The following RNF17 variants were observed in gnomAD, a reference collection of about 807,000 sequenced individuals.
RNF17 encodes the protein ring finger protein 17.
Under a neutral mutation model 200.5 loss-of-function variants are expected in RNF17, and 31 were observed. That is an observed-to-expected ratio of 0.15 (90% CI 0.12 to 0.21). The LOEUF (loss-of-function observed/expected upper bound fraction) is 0.21, where lower values mean the gene tolerates loss of function less well. Ranked by LOEUF, RNF17 falls within the 10% of genes least tolerant of loss-of-function variation. The pLI is 1.00. For synonymous variants in RNF17, 606 were observed against 637.8 expected, an observed-to-expected ratio of 0.95 and a Z score of 0.75; for missense variants, 1,628 against 1,905.1, an observed-to-expected ratio of 0.85 and a Z score of 2.71.
At chr13:24,835,591 TC>T (rs145876688) in intron 18 of RNF17, among the ~76,000 whole-genome samples, 3,869 of 152,110 alleles carry the variant, frequency 0.025, 75 homozygotes, top group Non-Finnish European at 0.04. Flanking sequence ...GTAGTTCAGC[TC>T]ACAGGAAGCC....
At chr13:24,759,869 G>A (rs565412843), upstream of RNF17, among the ~76,000 whole-genome samples, 68 of 152,262 alleles carry the variant, frequency 4.5e-4, no homozygotes, top group Non-Finnish European at 8.4e-4. Context: ...AGCCAGGCAC[G>A]GTGGCTCACG....
intron 6 of RNF17, 79 bp from the exon 7 acceptor site, chr13:24,787,909 T>G (rs1167689245): frequency 5.4e-6 from 6 of 1,117,474 alleles, no homozygotes; most frequent in Non-Finnish European, 7.4e-6. Flanking sequence ...CTGAACTTAC[T>G]CTTCAAGATA....
chr13:24,794,046 G>C, intron 10 of RNF17: 1 of 363,086 alleles, frequency 2.8e-6, no homozygotes. Flanking sequence ...TGATACAAGG[G>C]ATGTTGCCAT....
intron 15 of RNF17, among the ~76,000 whole-genome samples, chr13:24,821,641 A>G (rs1718758602): frequency 6.6e-6 from 1 of 151,604 alleles, no homozygotes. Context: ...CCTCTATTGA[A>G]TTTTTTCTCC....
At chr13:24,787,500 T>G (rs1478828568) in intron 6 of RNF17, among the ~76,000 whole-genome samples, 1 of 152,194 alleles carries the variant, frequency 6.6e-6, no homozygotes, top group East Asian at 1.9e-4. Context: ...TGGTTGTGTG[T>G]GCCCTGAGCC....
At chr13:24,884,046 A>C, downstream of RNF17, 2 of 1,614,036 alleles carry the variant, frequency 1.2e-6, no homozygotes, top group Non-Finnish European at 1.7e-6. Context: ...TCTGGTCAGG[A>C]AACGTGATTT....
chr13:24,847,579 C>T (rs1022297432), intron 22 of RNF17, among the ~76,000 whole-genome samples: 1 of 152,176 alleles, frequency 6.6e-6, no homozygotes, highest in African/African-American at 2.4e-5. Flanking sequence ...TTCCTGACCT[C>T]AAGTGATGTG....
At chr13:24,780,264 T>G (rs1196898576) in intron 5 of RNF17, among the ~76,000 whole-genome samples, 8 of 152,082 alleles carry the variant, frequency 5.3e-5, no homozygotes, top group African/African-American at 1.9e-4. Flanking sequence ...AAGTCATTTC[T>G]CAAGAGGAAT....
downstream of RNF17, among the ~76,000 whole-genome samples, chr13:24,884,805 A>AT (rs1953964957): frequency 6.6e-6 from 1 of 152,190 alleles, no homozygotes; most frequent in Non-Finnish European, 1.5e-5. Context: ...TATAATTTCA[A>AT]TAGAAATGGA....
chr13:24,797,552 T>C (rs2137693727), intron 11 of RNF17, among the ~76,000 whole-genome samples: 1 of 152,260 alleles, frequency 6.6e-6, no homozygotes, highest in East Asian at 1.9e-4. Context: ...CAAATGTCTG[T>C]GTTGAGTTTG....
chr13:24,817,716 CAA>C (rs34461016), intron 15 of RNF17, among the ~76,000 whole-genome samples: 3 of 137,498 alleles, frequency 2.2e-5, no homozygotes. Context: ...GACTTCATCT[CAA>C]AAAAAAAAAA....
intron 9 of RNF17, among the ~76,000 whole-genome samples, chr13:24,792,473 A>G (rs998600584): frequency 1.1e-4 from 17 of 152,172 alleles, no homozygotes; most frequent in African/African-American, 3.1e-4. Flanking sequence ...GTGGTGTTGT[A>G]TAAGTCAAAG....
rs965826510 is a variant in RNF17 at position 24,764,211 on chromosome 13, C to T, written c.8C>T (p.Ala3Val). MA[A>V]EASKTGPSRS... ...CAGAAGAAAGAGACAGCGATGGCGG[C>T]AGAGGCTTCGAAGACTGGGCCTTCT... is the stretch of plus-strand genomic sequence containing the variant. The change falls in exon 1 of 36, where the codon GCA (alanine) becomes GTA (valine). Residue 3 changes from alanine (A) to valine (V), a missense_variant. By Grantham distance (64) the Ala-to-Val change is moderately conservative. Coordinates refer to ENST00000255324, the MANE Select transcript of RNF17 (RefSeq NM_031277.3). 3.1e-6 allele frequency: 5 copies of T among 1,592,844 alleles called. No individual in the cohort carries two copies. Among genetic ancestry groups the T allele is most frequent in the Non-Finnish European group, 4.3e-6 (5 of 1,163,522 alleles).
chr13:24,764,891 GTGTGTGTGT>G (rs1879399479), intron 1 of RNF17, among the ~76,000 whole-genome samples: 10 of 64,744 alleles, frequency 1.5e-4, no homozygotes, highest in South Asian at 3.5e-4. Context: ...CTTGTGGGGT[GTGTGTGTGT>G]GTGTGTGTGT....
chr13:24,877,376 T>C (rs902396844), intron 34 of RNF17, among the ~76,000 whole-genome samples, 190 bp downstream of exon 34: 4 of 152,190 alleles, frequency 2.6e-5, no homozygotes, highest in Non-Finnish European at 5.9e-5. Context: ...TAAAATGTCT[T>C]AGTTTATATT....
the RNF17 span, chr13:24,885,423 C>CTCTT: frequency 7.0e-7 from 1 of 1,428,322 alleles, no homozygotes; most frequent in Non-Finnish European, 9.9e-7. Flanking sequence ...CTAAAACCTA[C>CTCTT]TCTTACTTCC....
intron 4 of RNF17, 80 bp from the exon 5 acceptor site, chr13:24,779,587 T>G: frequency 2.7e-6 from 3 of 1,107,804 alleles, no homozygotes; most frequent in Non-Finnish European, 2.6e-6. Context: ...TAGCCTGAAT[T>G]TTTTGCAACT....
chr13:24,848,895 G>A lies in RNF17; in HGVS notation c.3102-1446G>A, dbSNP rs553193707. Among the ~76,000 whole-genome samples, 6 of 152,136 alleles carry A rather than the reference G, an allele frequency of 3.9e-5. No homozygotes were observed. The East Asian group carries it at 5.8e-4, about 15-fold the overall frequency. On this transcript the variant is annotated intron_variant, in intron 22 of 35. Transcript: ENST00000255324. ...GTTCCAAGAGTTCCTAACAATTTAA[G>A]CTTCTTAGCACATAAGAACTCTCTC...
intron 1 of RNF17, among the ~76,000 whole-genome samples, chr13:24,767,066 T>C (rs1298569510): frequency 6.6e-6 from 1 of 152,164 alleles, no homozygotes; most frequent in Non-Finnish European, 1.5e-5. Flanking sequence ...CACAATAGAA[T>C]TTCTTCAGTA....
Sources: allele counts gnomAD v4.1 joint callset (sites outside exome capture counted in the v4.1 genomes callset), GRCh38; gene constraint gnomAD v4.1.1; transcripts MANE v1.5; gene names NCBI Gene and HGNC (gene_info 2026-07-23, HGNC 2026-07-21).